The following PTH2R variants were observed in gnomAD, a reference collection of about 807,000 sequenced individuals.
PTH2R encodes the protein PTH2 receptor.
Under a neutral mutation model 60.3 loss-of-function variants are expected in PTH2R, and 59 were observed. That is an observed-to-expected ratio of 0.98 (90% CI 0.79 to 1.22). The LOEUF is 1.22. Ranked by LOEUF, PTH2R falls within the 50% of genes most tolerant of loss-of-function variation. The pLI is 0.00. For missense variants in PTH2R, 749 were observed against 682.6 expected (o/e 1.10, Z -1.08); for synonymous variants, 256 against 243.8 (o/e 1.05, Z -0.47).
At chr2:208,386,220 A>T (rs1249902509) in intron 1 of PTH2R, among the ~76,000 whole-genome samples, 2 of 152,222 alleles carry the variant, frequency 1.3e-5, no homozygotes, top group Non-Finnish European at 2.9e-5. Context: ...CTGAGGAGAC[A>T]TCTCACATAA....
chr2:208,435,206 G>A (rs149128426), intron 2 of PTH2R, among the ~76,000 whole-genome samples: 3 of 152,248 alleles, frequency 2.0e-5, no homozygotes, highest in East Asian at 1.9e-4. Flanking sequence ...ATGAACATTA[G>A]CCAGAACAAA....
chr2:208,447,358 G>A (rs969147563), intron 7 of PTH2R, among the ~76,000 whole-genome samples: 1 of 151,984 alleles, frequency 6.6e-6, no homozygotes, highest in Non-Finnish European at 1.5e-5. Context: ...GGAGGCCGAG[G>A]CGGGCGGATC....
intron 12 of PTH2R, 57 bp from the exon 13 acceptor site, chr2:208,493,207 A>C: frequency 1.4e-6 from 2 of 1,389,848 alleles, no homozygotes; most frequent in Non-Finnish European, 1.9e-6. Context: ...TCTTTGTAAC[A>C]AGGCTGCAGG....
intron 9 of PTH2R, among the ~76,000 whole-genome samples, chr2:208,479,670 A>G (rs1434138473): frequency 6.6e-6 from 1 of 152,174 alleles, no homozygotes; most frequent in Admixed American, 6.5e-5. Context: ...GAAGATGGAA[A>G]TCCTCAACTC....
At chr2:208,368,668 C>T (rs1245327850) in intron 1 of PTH2R, among the ~76,000 whole-genome samples, 1 of 152,072 alleles carries the variant, frequency 6.6e-6, no homozygotes, top group African/African-American at 2.4e-5. Flanking sequence ...TTGTTCCTAC[C>T]AATGTAAATA....
chr2:208,432,327 G>A (rs1014584461), intron 2 of PTH2R, among the ~76,000 whole-genome samples: 4 of 152,156 alleles, frequency 2.6e-5, no homozygotes, highest in African/African-American at 7.2e-5. Flanking sequence ...AATAGGGACG[G>A]CAGGCATCTT....
exon 1 of PTH2R, chr2:208,360,025 G>A (rs1376351343): frequency 3.0e-6 from 1 of 336,936 alleles, no homozygotes; most frequent in Non-Finnish European, 5.9e-6. Context: ...TCCACCCACA[G>A]GTTTTTTGGG....
In PTH2R at chr2:208,493,356, A is replaced by C. The variant is rs1290443916; in HGVS notation, c.1350A>C (p.Ser450=). The part of the protein sequence containing the change: ...TPPCGSRRCG[S]VLTTVTHSTS... The stretch of plus-strand genomic sequence containing the variant: ...CATGTGGCAGCCGCAGATGCGGCTC[A>C]GTGCTCACCACCGTGACGCACAGCA... Residue 450 remains serine, a synonymous_variant, in exon 13 of 13, where the codon TCA becomes TCC. Coordinates refer to ENST00000272847, the MANE Select transcript of PTH2R (RefSeq NM_005048.4). 1 of 1,595,986 alleles carries C rather than the reference A, an allele frequency of 6.3e-7. No homozygotes were observed. Among genetic ancestry groups the C allele is most frequent in the Non-Finnish European group, 8.6e-7 (1 of 1,168,312 alleles).
chr2:208,413,917 C>T (rs1449283744), intron 1 of PTH2R, among the ~76,000 whole-genome samples: 1 of 152,148 alleles, frequency 6.6e-6, no homozygotes, highest in African/African-American at 2.4e-5. Context: ...GCTTCTGTGC[C>T]TCTTTGTCTT....
intron 9 of PTH2R, among the ~76,000 whole-genome samples, chr2:208,477,288 C>A (rs1703026247): frequency 6.6e-6 from 1 of 152,078 alleles, no homozygotes. Context: ...TCAGCCTGAA[C>A]CCTGAGAACT....
chr2:208,472,640 T>A lies in PTH2R; in HGVS notation c.982-8430T>A, dbSNP rs987853179. On this transcript the variant is annotated intron_variant, in intron 9 of 12. Coordinates refer to ENST00000272847, the MANE Select transcript of PTH2R (RefSeq NM_005048.4). ...TGAGGCATCCCTAGCCACATGGAACTGTAAGTCCATTAAACCTTTTTTTTG... is the reference window on the plus strand; with the variant it reads ...TGAGGCATCCCTAGCCACATGGAACAGTAAGTCCATTAAACCTTTTTTTTG... Among the ~76,000 whole-genome samples the A allele has an allele frequency of 2.0e-5, 3 of 152,232 alleles. No homozygotes were observed. The East Asian group carries it at 5.8e-4, about 29-fold the overall frequency.
rs774219078 is a variant in PTH2R, at chr2:208,489,164, C to G, written c.1215+14C>G. 10 of 1,613,424 alleles carry G rather than the reference C, an allele frequency of 6.2e-6. No individual in the cohort carries two copies. The African/African-American group carries it at 8.0e-5, about 13-fold the overall frequency. On this transcript the variant is annotated intron_variant, in intron 11 of 12. Transcript: ENST00000272847. The stretch of plus-strand genomic sequence containing the variant: ...AACTCCTTTCAGGTAAAGGGTGCTG[C>G]CTAGTCATCTGATTCTTGTAATTTG...
At chr2:208,401,050 C>T (rs1464281933) in intron 1 of PTH2R, among the ~76,000 whole-genome samples, 1 of 152,150 alleles carries the variant, frequency 6.6e-6, no homozygotes, top group Non-Finnish European at 1.5e-5. Flanking sequence ...TATGTGAATA[C>T]ATTGGTTGTA....
chr2:208,432,781 A>T (rs1320016894), intron 2 of PTH2R, among the ~76,000 whole-genome samples: 1 of 152,190 alleles, frequency 6.6e-6, no homozygotes, highest in Non-Finnish European at 1.5e-5. Flanking sequence ...ATGTCCAAGG[A>T]TAGGATAAAT....
chr2:208,388,298 C>G (rs2125880791), intron 1 of PTH2R, among the ~76,000 whole-genome samples: 1 of 152,152 alleles, frequency 6.6e-6, no homozygotes, highest in East Asian at 1.9e-4. Flanking sequence ...GCCTGGGTGA[C>G]AGAGCGAGAC....
intron 2 of PTH2R, among the ~76,000 whole-genome samples, chr2:208,434,515 C>A (rs1312832898): frequency 6.6e-6 from 1 of 151,846 alleles, no homozygotes; most frequent in Non-Finnish European, 1.5e-5. Context: ...CCTTTTAGAG[C>A]ATGAGGAAAA....
At chr2:208,447,518 G>A (rs964475806) in intron 7 of PTH2R, among the ~76,000 whole-genome samples, 21 of 151,544 alleles carry the variant, frequency 1.4e-4, no homozygotes, top group Non-Finnish European at 2.8e-4. Flanking sequence ...AACCCAGGAG[G>A]TGGAGCTTGC....
intron 9 of PTH2R, chr2:208,466,544 A>G (rs1392273006): frequency 6.6e-6 from 1 of 152,214 alleles, no homozygotes; most frequent in African/African-American, 2.4e-5. Flanking sequence ...TCACCCCTCC[A>G]GTAGATGGCA....
chr2:208,412,496 A>G (rs1248497179), intron 1 of PTH2R, among the ~76,000 whole-genome samples: 1 of 152,204 alleles, frequency 6.6e-6, no homozygotes, highest in Admixed American at 6.5e-5. Flanking sequence ...GGTCAACACT[A>G]TTTCTAGAGT....
Sources: gnomAD v4.1 joint callset for allele counts (sites outside exome capture counted in the v4.1 genomes callset) on GRCh38, gnomAD v4.1.1 for gene constraint, MANE v1.5 for transcripts, NCBI Gene and HGNC (gene_info 2026-07-23, HGNC 2026-07-21) for gene names.